The following EIF5B variants were observed in gnomAD, a reference collection of about 807,000 sequenced individuals.
EIF5B encodes the protein eukaryotic translation initiation factor 5B.
In EIF5B, 47 loss-of-function variants were observed where a neutral mutation model predicts 147.5. The observed-to-expected ratio is 0.32, with a 90% CI of 0.25 to 0.41. The LOEUF is 0.41. Among genes scored for constraint, EIF5B ranks in the 10% least tolerant of loss-of-function variants. EIF5B has a pLI of 1.00. For missense variants in EIF5B, 1,064 were observed against 1,413.2 expected, an observed-to-expected ratio of 0.75 and a Z score of 3.96; for synonymous variants, 455 against 456.2, an observed-to-expected ratio of 1.00 and a Z score of 0.03.
rs115398877 is a variant in EIF5B, at chr2:99,376,343, G to A, written c.1553-4G>A. 3.6e-4 allele frequency: 498 copies of A among 1,371,810 alleles called. 1 individual carries two copies. The African/African-American group carries it at 6.9e-3, about 19-fold the overall frequency. 85.0% of individuals were successfully genotyped at this position (1,371,810 alleles called of 1,614,324 possible). A position where few individuals can be genotyped will look rare whatever the true frequency, so the allele number is the denominator to read the frequency against. ...TTTATTTAAAAATATATTTGCTTTCGTAGTAGAAGGAAACAAAGTTCATAT... is the reference window on the plus strand; with the variant it reads ...TTTATTTAAAAATATATTTGCTTTCATAGTAGAAGGAAACAAAGTTCATAT... On this transcript the variant is annotated splice_region_variant and splice_polypyrimidine_tract_variant and intron_variant, in intron 9 of 23. Coordinates refer to ENST00000289371, the MANE Select transcript of EIF5B (RefSeq NM_015904.4).
intron 1 of EIF5B, among the ~76,000 whole-genome samples, chr2:99,338,993 A>AATATATATATATGCAAATATAT (rs11272483): frequency 1.5e-5 from 2 of 132,726 alleles, no homozygotes; most frequent in Non-Finnish European, 3.2e-5. Flanking sequence ...TATATACACA[A>AATATATATATATGCAAATATAT]ATATATATAT....
intron 1 of EIF5B, among the ~76,000 whole-genome samples, chr2:99,345,929 G>T (rs556820759): frequency 7.6e-6 from 1 of 131,976 alleles, no homozygotes; most frequent in Non-Finnish European, 1.6e-5. Flanking sequence ...GGGTGACAGA[G>T]CTAGACCCTG....
Position 99,361,533 on chromosome 2 carries a change from A to C in EIF5B, c.632A>C (p.Asn211Thr), listed in dbSNP as rs1461591093. ...KKNQKNKPGP[N>T]IESGNEDDDA... ...AATCAGAAAAACAAGCCAGGTCCTA[A>C]CATAGAAAGTGGGAATGAAGATGAT... is the stretch of plus-strand genomic sequence containing the variant. The change falls in exon 4 of 24, where the codon AAC becomes ACC. Residue 211 changes from asparagine to threonine, a missense_variant. Asn to Thr is a moderately conservative substitution (Grantham distance 65). Transcript: ENST00000289371. 8.1e-6 allele frequency: 13 copies of C among 1,613,960 alleles called. No homozygotes were observed. The highest frequency in any genetic ancestry group is 1.1e-5 in the Non-Finnish European group (13 of 1,179,990).
Position 99,368,610 on chromosome 2 carries a change from C to G in EIF5B, c.1387+19C>G, listed in dbSNP as rs921508319. ...AAAGAAGGTTTGTATACAAAATAGC[C>G]TCTAATTTAGGAAATATGTTGTTTG... is the stretch of plus-strand genomic sequence containing the variant. On this transcript the variant is annotated intron_variant, in intron 7 of 23. Transcript: ENST00000289371. 6.4e-7 allele frequency: 1 copy of G among 1,555,736 alleles called. No individual in the cohort carries two copies. Among genetic ancestry groups the G allele is most frequent in the African/African-American group, 1.4e-5 (1 of 73,370 alleles).
In EIF5B at chr2:99,401,006, C is replaced by A; in HGVS notation, c.*1592C>A. 1 of 303,378 alleles carries A rather than the reference C, an allele frequency of 3.3e-6. No individual in the cohort carries two copies. Among genetic ancestry groups the A allele is most frequent in the Admixed American group, 4.4e-5 (1 of 22,586 alleles). The allele number at this position is 303,378 out of a possible 1,614,324, so 18.8% of individuals were successfully genotyped here. Reference sequence around the variant, plus strand: ...CACTTCACTGTAAAAATCCATAAAACTTTATAAACAAACATTTTGTAAATA... The same window carrying A: ...CACTTCACTGTAAAAATCCATAAAAATTTATAAACAAACATTTTGTAAATA... On this transcript the variant is annotated 3_prime_UTR_variant, in exon 24 of 24. Coordinates refer to ENST00000289371, the MANE Select transcript of EIF5B (RefSeq NM_015904.4).
chr2:99,361,238 A>G lies in EIF5B; in HGVS notation c.337A>G (p.Ser113Gly). 1.6e-5 allele frequency: 26 copies of G among 1,612,074 alleles called. No homozygotes were observed. Among genetic ancestry groups the G allele is most frequent in the Non-Finnish European group, 2.2e-5 (26 of 1,179,566 alleles). ...AAAACAGAGTTTTGATGATAATGATAGCGAAGAATTGGAAGATAAAGATTC... is the reference window on the plus strand; with the variant it reads ...AAAACAGAGTTTTGATGATAATGATGGCGAAGAATTGGAAGATAAAGATTC... Reference protein sequence around the residue: ...GKKQSFDDNDSEELEDKDSKS... With the variant: ...GKKQSFDDNDGEELEDKDSKS... The change falls in exon 4 of 24, where the codon AGC becomes GGC. Residue 113 changes from serine (S) to glycine (G), a missense_variant. Around this residue, in one of 4 missense-constraint regions of EIF5B, gnomAD observed 458 missense variants for 451.3 expected, o/e 1.01. Coordinates refer to ENST00000289371, the MANE Select transcript of EIF5B (RefSeq NM_015904.4).
intron 5 of EIF5B, 59 bp downstream of exon 5, chr2:99,363,921 G>A (rs1674273204): frequency 5.3e-6 from 8 of 1,506,826 alleles, no homozygotes; most frequent in Non-Finnish European, 3.6e-6. Flanking sequence ...TCTATTCTCT[G>A]TAAAATATCT....
chr2:99,365,527 A>C (rs1420566056), intron 6 of EIF5B, among the ~76,000 whole-genome samples: 1 of 152,224 alleles, frequency 6.6e-6, no homozygotes, highest in African/African-American at 2.4e-5. Context: ...CATACATCAG[A>C]TTTCATTGGT....
At position 99,363,968 on chromosome 2, in the gene EIF5B, G is replaced by A. The variant is rs547606165; in HGVS notation, c.1137+106G>A. Reference sequence around the variant, plus strand: ...ATTCTGAAAATTTCATAGTTGCATGGTAATTCAGTTATATTATTGTTCCGA... The same window carrying A: ...ATTCTGAAAATTTCATAGTTGCATGATAATTCAGTTATATTATTGTTCCGA... On this transcript the variant is annotated intron_variant, in intron 5 of 23. Transcript: ENST00000289371. The A allele has an allele frequency of 6.4e-5, 77 of 1,197,272 alleles. No homozygotes were observed. In the South Asian group the frequency reaches 1.2e-3, roughly 19 times the overall value. The allele number at this position is 1,197,272 out of a possible 1,614,324, so 74.2% of individuals were successfully genotyped here.
intron 1 of EIF5B, among the ~76,000 whole-genome samples, chr2:99,345,987 G>A (rs997141734): frequency 1.3e-5 from 2 of 151,700 alleles, no homozygotes; most frequent in Non-Finnish European, 2.9e-5. Flanking sequence ...ACAAAAGGGA[G>A]TTTGCTGTTC....
In EIF5B at chr2:99,389,709, C is replaced by CT; in HGVS notation, c.2272-4dup. The CT allele has an allele frequency of 6.3e-7, 1 of 1,580,634 alleles. No homozygotes were observed. The highest frequency in any genetic ancestry group is 2.2e-5 in the East Asian group (1 of 44,594). Reference sequence around the variant, plus strand: ...TTTAGAGATCTTTCTCATGAAAAAACTTTTTCAGATTGATAGGTTATATGA... The same window carrying CT: ...TTTAGAGATCTTTCTCATGAAAAAACTTTTTTCAGATTGATAGGTTATATGA... On this transcript the variant is annotated splice_polypyrimidine_tract_variant and intron_variant, in intron 14 of 23. Coordinates refer to ENST00000289371, the MANE Select transcript of EIF5B (RefSeq NM_015904.4).
chr2:99,398,795 A>G lies in EIF5B; in HGVS notation c.3441A>G (p.Gln1147=), dbSNP rs1675127569. 6.2e-7 allele frequency: 1 copy of G among 1,614,112 alleles called. No individual in the cohort carries two copies. Among genetic ancestry groups the G allele is most frequent in the Admixed American group, 1.7e-5 (1 of 60,022 alleles). ...IVTSIEINHK[Q]VDVAKKGQEV... is the part of the protein sequence containing the mutation. ...CAAGTATTGAAATAAACCATAAACA[A>G]GTGGATGTTGCAAAAAAAGGACAAG... Residue 1147 remains glutamine (Q), a synonymous_variant, in exon 23 of 24, where the codon CAA becomes CAG. Transcript: ENST00000289371.
intron 23 of EIF5B, 28 bp from the exon 24 acceptor site, chr2:99,399,279 T>C (rs765449249): frequency 9.3e-6 from 15 of 1,606,168 alleles, no homozygotes; most frequent in Middle Eastern, 1.7e-4. Flanking sequence ...ATGTTCTGTT[T>C]ACCCTGTTTG....
At chr2:99,363,539 CGGCCTT>C (rs1674265338) in intron 4 of EIF5B, 100 bp from the exon 5 acceptor site, 1 of 1,120,950 alleles carries the variant, frequency 8.9e-7, no homozygotes, top group Non-Finnish European at 1.3e-6. Flanking sequence ...CTGCTGGCAT[CGGCCTT>C]GGCCCATTAT....
chr2:99,338,422 C>T (rs901653240), intron 1 of EIF5B: 3 of 987,272 alleles, frequency 3.0e-6, no homozygotes, highest in African/African-American at 3.3e-5. Context: ...TTACATTACA[C>T]GTTCGTACAC....
At chr2:99,364,208 A>G (rs1674279824) in intron 5 of EIF5B, 63 bp from the exon 6 acceptor site, 3 of 1,508,370 alleles carry the variant, frequency 2.0e-6, no homozygotes, top group African/African-American at 2.8e-5. Context: ...TGGATTGTTT[A>G]CATTTGAATT....
At chr2:99,357,792 G>A (rs909755716) in intron 1 of EIF5B, among the ~76,000 whole-genome samples, 3 of 152,182 alleles carry the variant, frequency 2.0e-5, no homozygotes, top group African/African-American at 7.2e-5. Flanking sequence ...ATACTCCTGG[G>A]AGATGCTAGG....
intron 12 of EIF5B, among the ~76,000 whole-genome samples, chr2:99,379,907 C>G (rs1218095646): frequency 6.6e-6 from 1 of 152,162 alleles, no homozygotes; most frequent in African/African-American, 2.4e-5. Flanking sequence ...TAAGTGTCAC[C>G]TTTGTTGAGC....
chr2:99,363,575 G>A (rs929965668), intron 4 of EIF5B, 70 bp from the exon 5 acceptor site: 12 of 1,459,602 alleles, frequency 8.2e-6, no homozygotes, highest in Non-Finnish European at 4.6e-6. Context: ...ATTGTGGTTG[G>A]GTTTTGCTCG....
Sources: allele counts gnomAD v4.1 joint callset (sites outside exome capture counted in the v4.1 genomes callset), GRCh38; gene constraint gnomAD v4.1.1; regional missense constraint gnomAD v4.1.1; transcripts MANE v1.5; gene names NCBI Gene and HGNC (gene_info 2026-07-23, HGNC 2026-07-21).